COL16A1: variants seen among roughly 807,000 people sequenced by gnomAD.
COL16A1 encodes collagen type XVI alpha 1 chain, also known as collagen alpha-1(XVI) chain.
A neutral mutation model predicts 266.3 loss-of-function variants in COL16A1; 189 were observed. The ratio of observed to expected loss-of-function variants is 0.71; its 90% CI spans 0.63 to 0.80. The LOEUF (loss-of-function observed/expected upper bound fraction) is 0.80. COL16A1 is among the 30% of genes least tolerant of loss of function. The pLI is 0.00. For missense variants in COL16A1, 1,928 were observed against 2,122.4 expected (o/e 0.91, Z 1.80); for synonymous variants, 740 against 782.3 (o/e 0.95, Z 0.90).
rs775896528 is a variant in COL16A1 at position 31,665,251 on chromosome 1, G to A, written c.3493-17C>T. 6.3e-7 allele frequency: 1 copy of A among 1,586,104 alleles called. No individual in the cohort carries two copies. Among genetic ancestry groups the A allele is most frequent in the Non-Finnish European group, 8.5e-7 (1 of 1,172,684 alleles). On this transcript the variant is annotated splice_polypyrimidine_tract_variant and intron_variant, in intron 55 of 70. Transcript: ENST00000373672. ...AGGGGGACCCTGTATCAACAAAGGG[G>A]CAGGCAGGAATGAAAGTGGGGCTGG...
At position 31,663,666 on chromosome 1, in the gene COL16A1, T is replaced by G. The variant is rs1248993159; in HGVS notation, c.3556-1008A>C. ...CCCCACCGTTGTCTTAGCCAGGGAATCTCCGCTTGTATTTGTTTTATAGAT... is the reference window on the plus strand; with the variant it reads ...CCCCACCGTTGTCTTAGCCAGGGAAGCTCCGCTTGTATTTGTTTTATAGAT... On this transcript the variant is annotated intron_variant, in intron 56 of 70. Transcript: ENST00000373672. The surrounding 1 kb of genome is among the most constrained non-coding windows in gnomAD (Gnocchi z 4.9). Among the ~76,000 whole-genome samples, 4 of 152,202 alleles carry G rather than the reference T, an allele frequency of 2.6e-5. No individual in the cohort carries two copies. Among genetic ancestry groups the G allele is most frequent in the African/African-American group, 9.7e-5 (4 of 41,442 alleles).
chr1:31,683,126 C>A, intron 36 of COL16A1, 68 bp downstream of exon 36: 2 of 1,611,394 alleles, frequency 1.2e-6, no homozygotes, highest in South Asian at 1.1e-5. Flanking sequence ...GCCCCCATGT[C>A]CCCTGTGCCT....
At position 31,661,729 on chromosome 1, in the gene COL16A1, G is replaced by C. The variant is rs370855228; in HGVS notation, c.3682-25C>G. On this transcript the variant is annotated intron_variant, in intron 58 of 70. Transcript: ENST00000373672. ...CCTAGGGAAAGAGACGAGGAGGATT[G>C]AGACAAGAGTTTTGCCCAGCTTGTA... The C allele has an allele frequency of 2.1e-5, 34 of 1,589,086 alleles. No homozygotes were observed. In the Middle Eastern group the frequency reaches 2.3e-3, roughly 110 times the overall value.
At chr1:31,691,954 T>A (rs565488039) in intron 17 of COL16A1, 51 bp downstream of exon 17, 32 of 1,612,430 alleles carry the variant, frequency 2.0e-5, no homozygotes, top group Non-Finnish European at 2.6e-5. Flanking sequence ...ATCCCAGCAT[T>A]CTCAGACCCC....
rs533726240 is a variant in COL16A1, at chr1:31,670,522, C to G, written c.3195+80G>C. On this transcript the variant is annotated intron_variant, in intron 49 of 70. Coordinates refer to ENST00000373672, the MANE Select transcript of COL16A1 (RefSeq NM_001856.4). This position sits in a 1 kb window ranked among gnomAD's most constrained non-coding sequence, Gnocchi z 4.5. ...AACACGGAGGACGGAGGTGAAGGCA[C>G]GACAGGAGGGAGACAAGCAAAAGCC... 18 of 1,304,628 alleles carry G rather than the reference C, an allele frequency of 1.4e-5. No individual in the cohort carries two copies. Among genetic ancestry groups the G allele is most frequent in the Non-Finnish European group, 1.8e-5 (18 of 1,018,728 alleles). The allele number at this position is 1,304,628 out of a possible 1,614,324, so 80.8% of individuals were successfully genotyped here.
chr1:31,683,649 A>G, intron 34 of COL16A1, 58 bp downstream of exon 34: 2 of 1,610,956 alleles, frequency 1.2e-6, no homozygotes, highest in East Asian at 2.2e-5. Flanking sequence ...GGATGGAAGT[A>G]GGTAGCTGGC....
At chr1:31,665,671 G>T in intron 54 of COL16A1, 53 bp from the exon 55 acceptor site, 1 of 1,603,572 alleles carries the variant, frequency 6.2e-7, no homozygotes, top group East Asian at 2.2e-5. Flanking sequence ...TCTCCTGCCT[G>T]GCTGCCCAGG....
chr1:31,685,948 T>C lies in COL16A1; in HGVS notation c.1884+143A>G, dbSNP rs556938164. 33 of 1,470,554 alleles carry C rather than the reference T, an allele frequency of 2.2e-5. No homozygotes were observed. The East Asian group carries it at 7.6e-4, about 34-fold the overall frequency. 91.1% of individuals were successfully genotyped at this position (1,470,554 alleles called of 1,614,324 possible). A position where few individuals can be genotyped will look rare whatever the true frequency, so the allele number is the denominator to read the frequency against. On this transcript the variant is annotated intron_variant, in intron 28 of 70. Transcript: ENST00000373672. This position sits in a 1 kb window ranked among gnomAD's most constrained non-coding sequence, Gnocchi z 4.0. ...AAGAAACAAAGGTGGAGCTGAGTCA[T>C]CAGGGGTCTCCATGCCTTGCTAAGG...
At position 31,685,884 on chromosome 1, in the gene COL16A1, G is replaced by A. The variant is rs1643947648; in HGVS notation, c.1885-114C>T. 3 of 1,536,306 alleles carry A rather than the reference G, an allele frequency of 2.0e-6. No homozygotes were observed. Among genetic ancestry groups the A allele is most frequent in the Non-Finnish European group, 2.6e-6 (3 of 1,132,912 alleles). On this transcript the variant is annotated intron_variant, in intron 28 of 70. Transcript: ENST00000373672. The surrounding 1 kb of genome is among the most constrained non-coding windows in gnomAD (Gnocchi z 4.0). ...GGGTCTGACACTGCACCTCTGCTGG[G>A]TGAGGGGTTATCTTGGGAAAGATGA...
chr1:31,669,170 T>C (rs1222772003), intron 49 of COL16A1, among the ~76,000 whole-genome samples: 1 of 152,028 alleles, frequency 6.6e-6, no homozygotes, highest in African/African-American at 2.4e-5. Context: ...TGCCCTGCCA[T>C]GGTAACTGAC....
At chr1:31,691,884 G>A in intron 17 of COL16A1, 121 bp downstream of exon 17, 3 of 1,498,778 alleles carry the variant, frequency 2.0e-6, no homozygotes, top group Non-Finnish European at 2.8e-6. Context: ...TGCCTCCTGT[G>A]GCACAGCCCC....
intron 22 of COL16A1, 31 bp from the exon 23 acceptor site, chr1:31,689,882 G>A: frequency 1.2e-6 from 2 of 1,601,788 alleles, no homozygotes; most frequent in Non-Finnish European, 1.7e-6. Flanking sequence ...TATGTGGACA[G>A]GGTGGGGCTG....
intron 2 of COL16A1, chr1:31,701,447 T>C (rs1175997478): frequency 3.0e-6 from 3 of 985,294 alleles, no homozygotes; most frequent in Non-Finnish European, 3.6e-6. Flanking sequence ...CTAGCTGGGT[T>C]TGGGTCCTAG....
At position 31,697,717 on chromosome 1, in the gene COL16A1, A is replaced by G. The variant is rs1025653733; in HGVS notation, c.657+189T>C. On this transcript the variant is annotated intron_variant, in intron 6 of 70. Transcript: ENST00000373672. The surrounding 1 kb of genome is among the most constrained non-coding windows in gnomAD (Gnocchi z 4.2). ...TGTAAAGGAAGATGGTGCTGCAGAC[A>G]CTTATAAGGACCAGATCATGAAGGG... is the stretch of plus-strand genomic sequence containing the variant. Among the ~76,000 whole-genome samples the G allele has an allele frequency of 6.6e-6, 1 of 152,162 alleles. No homozygotes were observed. The highest frequency in any genetic ancestry group is 1.5e-5 in the Non-Finnish European group (1 of 68,018).
In COL16A1 at chr1:31,656,433, T is replaced by C; in HGVS notation, c.4068A>G (p.Gly1356=). ...CAGGAGGTCCATAGAATCCCTGCTT[T>C]CCAGGGGGTCCCTAGAGGAAAGCAA... The part of the protein sequence containing the change: ...DGAAGKEGPP[G]KQGFYGPPGP... Residue 1356 remains glycine, a synonymous_variant, in exon 66 of 71, where the codon GGA becomes GGG. Coordinates refer to ENST00000373672, the MANE Select transcript of COL16A1 (RefSeq NM_001856.4). This position sits in a 1 kb window ranked among gnomAD's most constrained non-coding sequence, Gnocchi z 4.2. The C allele has an allele frequency of 6.2e-7, 1 of 1,613,084 alleles. No homozygotes were observed. The highest frequency in any genetic ancestry group is 8.5e-7 in the Non-Finnish European group (1 of 1,179,694).
intron 1 of COL16A1, among the ~76,000 whole-genome samples, chr1:31,702,748 A>C (rs908850907): frequency 6.6e-6 from 1 of 152,154 alleles, no homozygotes; most frequent in African/African-American, 2.4e-5. Flanking sequence ...GGGGCTGGTG[A>C]CTGGGCTGAG....
rs759099651 is a variant in COL16A1 at position 31,688,448 on chromosome 1, C to A, written c.1803+19G>T. On this transcript the variant is annotated intron_variant, in intron 26 of 70. Coordinates refer to ENST00000373672, the MANE Select transcript of COL16A1 (RefSeq NM_001856.4). The surrounding 1 kb of genome is among the most constrained non-coding windows in gnomAD (Gnocchi z 4.9). The stretch of plus-strand genomic sequence containing the variant: ...TGCCAAGAAACTCCAGTGTCCCTGA[C>A]ATCTAACCCAGGTCTCACCTTCTCT... 5 of 1,614,060 alleles carry A rather than the reference C, an allele frequency of 3.1e-6. No individual in the cohort carries two copies. Among genetic ancestry groups the A allele is most frequent in the Admixed American group, 1.7e-5 (1 of 59,996 alleles).
At chr1:31,655,976 T>G in intron 66 of COL16A1, 1 of 301,388 alleles carries the variant, frequency 3.3e-6, no homozygotes, top group Non-Finnish European at 6.2e-6. Flanking sequence ...CAGGCTGGGT[T>G]GGGTGCTCCT....
At chr1:31,684,393 G>T in intron 31 of COL16A1, 130 bp downstream of exon 31, 4 of 1,495,084 alleles carry the variant, frequency 2.7e-6, no homozygotes, top group Non-Finnish European at 3.6e-6. Context: ...AAGCCCCGAG[G>T]AGCCTCCGCT....
Sources: gnomAD v4.1 joint callset for allele counts (sites outside exome capture counted in the v4.1 genomes callset) on GRCh38, gnomAD v4.1.1 for gene constraint, Gnocchi (gnomAD v3.1) non-coding constraint, MANE v1.5 for transcripts, NCBI Gene and HGNC (gene_info 2026-07-23, HGNC 2026-07-21) for gene names.